The following BCAS3 variants were observed in gnomAD, a reference collection of about 807,000 sequenced individuals.
The protein encoded by BCAS3 is BCAS4/BCAS3 fusion.
Under a neutral mutation model 116.1 loss-of-function variants are expected in BCAS3, and 53 were observed. The observed-to-expected ratio is 0.46, with a 90% CI of 0.37 to 0.57. The LOEUF (loss-of-function observed/expected upper bound fraction) is 0.57, where lower values mean the gene tolerates loss of function less well. Ranked by LOEUF, BCAS3 falls within the 20% of genes least tolerant of loss-of-function variation. The pLI, the probability that BCAS3 is intolerant of heterozygous loss-of-function variation, is 0.00. For synonymous variants in BCAS3, 391 were observed against 408.2 expected, an observed-to-expected ratio of 0.96 and a Z score of 0.51; for missense variants, 917 against 1,165.4, an observed-to-expected ratio of 0.79 and a Z score of 3.10.
intron 5 of BCAS3, among the ~76,000 whole-genome samples, chr17:60,724,197 G>A (rs1259543252): frequency 1.3e-5 from 2 of 150,460 alleles, no homozygotes; most frequent in Non-Finnish European, 3.0e-5. Context: ...GCCAAGGCAG[G>A]CGGGCCCCTT....
intron 22 of BCAS3, among the ~76,000 whole-genome samples, chr17:61,283,242 C>G (rs1388260581): frequency 6.6e-6 from 1 of 152,140 alleles, no homozygotes; most frequent in Non-Finnish European, 1.5e-5. Flanking sequence ...TTCAACTAGT[C>G]TTGGTTTGGA....
chr17:60,987,431 A>G (rs1326053290), intron 14 of BCAS3, among the ~76,000 whole-genome samples: 6 of 151,944 alleles, frequency 3.9e-5, no homozygotes, highest in Non-Finnish European at 7.4e-5. Context: ...TGCTTAGGGT[A>G]GTATAGACAT....
At chr17:60,925,093 TA>T (rs34850105) in intron 13 of BCAS3, among the ~76,000 whole-genome samples, 1 of 150,940 alleles carries the variant, frequency 6.6e-6, no homozygotes, top group Non-Finnish European at 1.5e-5. Flanking sequence ...ACTATTTTTT[TA>T]AAAAAAGATA....
intron 6 of BCAS3, among the ~76,000 whole-genome samples, chr17:60,805,556 G>A (rs921906495): frequency 2.6e-5 from 4 of 152,096 alleles, no homozygotes; most frequent in Admixed American, 6.5e-5. Context: ...GGCTGGGCGC[G>A]GTGGCTCACG....
chr17:60,929,935 T>TA (rs1444971006), intron 13 of BCAS3, among the ~76,000 whole-genome samples: 9 of 152,008 alleles, frequency 5.9e-5, no homozygotes, highest in Non-Finnish European at 1.2e-4. Flanking sequence ...TTCCATGGTG[T>TA]ATATGTGCCA....
At chr17:60,799,026 A>G (rs1231268605) in intron 6 of BCAS3, among the ~76,000 whole-genome samples, 1 of 152,118 alleles carries the variant, frequency 6.6e-6, no homozygotes, top group Non-Finnish European at 1.5e-5. Context: ...TTATTGTTGA[A>G]TTTTAAGATT....
chr17:60,814,488 A>G (rs1404702529), intron 7 of BCAS3, among the ~76,000 whole-genome samples: 1 of 152,060 alleles, frequency 6.6e-6, no homozygotes, highest in African/African-American at 2.4e-5. Context: ...CTAGGTATAT[A>G]ATCATATTGC....
chr17:61,289,545 G>C (rs1011297120), intron 22 of BCAS3, among the ~76,000 whole-genome samples: 7 of 152,142 alleles, frequency 4.6e-5, no homozygotes, highest in Admixed American at 3.9e-4. Flanking sequence ...GAGTAAGAGG[G>C]ACGCCAGCCT....
intron 14 of BCAS3, among the ~76,000 whole-genome samples, chr17:60,951,804 C>CGA (rs1361212761): frequency 2.5e-5 from 3 of 119,734 alleles, no homozygotes; most frequent in Non-Finnish European, 4.8e-5. Flanking sequence ...GACGGAGTCT[C>CGA]TATCGCTCAG....
Position 60,955,701 on chromosome 17 carries a change from A to C in BCAS3, c.1221+8349A>C, listed in dbSNP as rs2061097071. On this transcript the variant is annotated intron_variant, in intron 14 of 23. Transcript: ENST00000407086. The stretch of plus-strand genomic sequence containing the variant: ...GCCCGGCTGGAGACTGAATTTTTAT[A>C]TCTCTTTAATCTCCTTCATTCTGGA... Among the ~76,000 whole-genome samples the C allele has an allele frequency of 2.0e-5, 3 of 151,920 alleles. No individual in the cohort carries two copies. The South Asian group carries it at 6.2e-4, about 32-fold the overall frequency.
At position 61,161,062 on chromosome 17, in the gene BCAS3, A is replaced by G. The variant is rs2078142434; in HGVS notation, c.2425+76498A>G. On this transcript the variant is annotated intron_variant, in intron 22 of 23. Transcript: ENST00000407086. This position sits in a 1 kb window ranked among gnomAD's most constrained non-coding sequence, Gnocchi z 4.8. ...CGACTACAAGAGATCTATAGTTAAA[A>G]TACTCTGCAGATGATGAAGGATAGC... Among the ~76,000 whole-genome samples, 1 of 152,212 alleles carries G rather than the reference A, an allele frequency of 6.6e-6. No individual in the cohort carries two copies. Among genetic ancestry groups the G allele is most frequent in the African/African-American group, 2.4e-5 (1 of 41,460 alleles).
chr17:61,130,420 C>T lies in BCAS3; in HGVS notation c.2425+45856C>T, dbSNP rs757100345. On this transcript the variant is annotated intron_variant, in intron 22 of 23. Transcript: ENST00000407086. The surrounding 1 kb of genome is among the most constrained non-coding windows in gnomAD (Gnocchi z 5.0). ...CCAATCATTAGAATAACCACAAAAC[C>T]GATTCTTAATTACCTCTTGCCTGGG... 4.6e-5 allele frequency among the ~76,000 whole-genome samples: 7 copies of T among 152,126 alleles called. No individual in the cohort carries two copies. Among genetic ancestry groups the T allele is most frequent in the Non-Finnish European group, 7.4e-5 (5 of 68,026 alleles).
intron 22 of BCAS3, among the ~76,000 whole-genome samples, chr17:61,320,831 A>C (rs2055150682): frequency 6.6e-6 from 1 of 152,192 alleles, no homozygotes; most frequent in Admixed American, 6.5e-5. Context: ...ATTCTTAAGT[A>C]GTGTAGAGGG....
chr17:61,040,215 T>G (rs1487005951), intron 18 of BCAS3, among the ~76,000 whole-genome samples: 1 of 152,256 alleles, frequency 6.6e-6, no homozygotes, highest in Non-Finnish European at 1.5e-5. Flanking sequence ...CATTCTTTAC[T>G]ACTACTTTAC....
At chr17:60,757,387 C>CATG (rs2043106381) in intron 6 of BCAS3, among the ~76,000 whole-genome samples, 2 of 135,026 alleles carry the variant, frequency 1.5e-5, no homozygotes, top group South Asian at 4.7e-4. Context: ...TCCTTGCCAG[C>CATG]ATGTATATGT....
chr17:60,828,332 A>T (rs2050613932), intron 7 of BCAS3, among the ~76,000 whole-genome samples: 1 of 152,240 alleles, frequency 6.6e-6, no homozygotes, highest in South Asian at 2.1e-4. Flanking sequence ...TGAAGTAGAT[A>T]ATTAGGCAAT....
chr17:60,888,406 G>A (rs1010382421), intron 9 of BCAS3, among the ~76,000 whole-genome samples: 3 of 151,968 alleles, frequency 2.0e-5, no homozygotes, highest in African/African-American at 7.3e-5. Flanking sequence ...TTTTCATGAC[G>A]AATTTTAAAA....
intron 7 of BCAS3, among the ~76,000 whole-genome samples, chr17:60,816,732 A>G (rs1598914540): frequency 6.6e-6 from 1 of 152,218 alleles, no homozygotes; most frequent in Admixed American, 6.5e-5. Flanking sequence ...TTGGGGCCAC[A>G]TACACAGTTT....
intron 4 of BCAS3, among the ~76,000 whole-genome samples, chr17:60,701,453 A>G (rs377101695): frequency 6.6e-6 from 1 of 152,184 alleles, no homozygotes; most frequent in African/African-American, 2.4e-5. Flanking sequence ...CCCTTTAATA[A>G]TGTGGGTTTG....
Sources: gnomAD v4.1 joint callset for allele counts (sites outside exome capture counted in the v4.1 genomes callset) on GRCh38, gnomAD v4.1.1 for gene constraint, Gnocchi (gnomAD v3.1) non-coding constraint, MANE v1.5 for transcripts, NCBI Gene and HGNC (gene_info 2026-07-23, HGNC 2026-07-21) for gene names.